KANK4: variants seen among roughly 807,000 people sequenced by gnomAD.
KANK4 encodes KN motif and ankyrin repeat domains 4, also known as KN motif and ankyrin repeat domain-containing protein 4.
A neutral mutation model predicts 80.8 loss-of-function variants in KANK4; 50 were observed. That is an observed-to-expected ratio of 0.62 (90% CI 0.49 to 0.78). KANK4 has a LOEUF of 0.78. Among genes scored for constraint, KANK4 ranks in the 30% least tolerant of loss-of-function variants. The probability of loss-of-function intolerance (pLI) is 0.00; values close to 1 mark genes in which losing one functional copy is unlikely to be tolerated. For missense variants in KANK4, 1,196 were observed against 1,240.1 expected (o/e 0.96, Z 0.53); for synonymous variants, 465 against 506.9 (o/e 0.92, Z 1.11).
chr1:62,240,901 T>G (rs944060633), intron 9 of KANK4, among the ~76,000 whole-genome samples: 2 of 152,058 alleles, frequency 1.3e-5, no homozygotes, highest in African/African-American at 4.8e-5. Context: ...CTCAATCCCA[T>G]GTACAGAATT....
At chr1:62,269,329 T>C (rs929713919) in intron 4 of KANK4, among the ~76,000 whole-genome samples, 2 of 152,198 alleles carry the variant, frequency 1.3e-5, no homozygotes, top group East Asian at 1.9e-4. Flanking sequence ...TCTTGGGCCA[T>C]TGGACACAGC....
chr1:62,297,697 G>C (rs921154117), intron 1 of KANK4, among the ~76,000 whole-genome samples: 17 of 152,144 alleles, frequency 1.1e-4, no homozygotes, highest in Admixed American at 3.9e-4. Context: ...CTCTAAATAA[G>C]ACCAATTTAC....
At chr1:62,263,839 G>C (rs1335428640) in intron 6 of KANK4, among the ~76,000 whole-genome samples, 1 of 152,186 alleles carries the variant, frequency 6.6e-6, no homozygotes, top group Non-Finnish European at 1.5e-5. Flanking sequence ...AGGTGTGCTT[G>C]ACATGTTTGG....
chr1:62,268,594 C>T, intron 4 of KANK4, 89 bp from the exon 5 acceptor site: 1 of 985,754 alleles, frequency 1.0e-6, no homozygotes, highest in Non-Finnish European at 1.6e-6. Flanking sequence ...CCTCGGGTAA[C>T]ACTCCGCAGC....
intron 1 of KANK4, among the ~76,000 whole-genome samples, chr1:62,313,832 G>A (rs556755464): frequency 1.3e-5 from 2 of 151,660 alleles, no homozygotes; most frequent in East Asian, 1.9e-4. Context: ...AAACCTGCAC[G>A]TTCTGCACAT....
chr1:62,278,752 A>G (rs1672382081), intron 2 of KANK4, among the ~76,000 whole-genome samples: 1 of 152,088 alleles, frequency 6.6e-6, no homozygotes, highest in East Asian at 1.9e-4. Context: ...CCCCTCGCAA[A>G]GAAACACACT....
intron 1 of KANK4, among the ~76,000 whole-genome samples, chr1:62,301,515 C>G (rs933459192): frequency 6.6e-6 from 1 of 151,994 alleles, no homozygotes; most frequent in Non-Finnish European, 1.5e-5. Context: ...ATTATGAAAA[C>G]AGCGTAGCCT....
At chr1:62,249,000 T>TA (rs374742301) in intron 8 of KANK4, among the ~76,000 whole-genome samples, 6,318 of 137,528 alleles carry the variant, frequency 0.046, 314 homozygotes, top group African/African-American at 0.13. Context: ...CTGTCTCTAC[T>TA]AAAAAAAAAA....
At chr1:62,260,466 C>A (rs1006355291) in intron 7 of KANK4, among the ~76,000 whole-genome samples, 15 of 152,014 alleles carry the variant, frequency 9.9e-5, no homozygotes, top group African/African-American at 3.1e-4. Flanking sequence ...TTGGATTCTT[C>A]TTCTCAGTCA....
At chr1:62,299,918 T>C (rs1435568366) in intron 1 of KANK4, among the ~76,000 whole-genome samples, 2 of 152,102 alleles carry the variant, frequency 1.3e-5, no homozygotes, top group Non-Finnish European at 2.9e-5. Context: ...TGCCTCCTTT[T>C]CTTCCCAGGT....
chr1:62,283,049 G>C (rs1458124948), intron 1 of KANK4, among the ~76,000 whole-genome samples: 1 of 152,198 alleles, frequency 6.6e-6, no homozygotes, highest in African/African-American at 2.4e-5. Flanking sequence ...GCTTGCCCTT[G>C]TTATAAAGAG....
chr1:62,317,202 G>A (rs1218081900), intron 1 of KANK4, among the ~76,000 whole-genome samples: 1 of 152,166 alleles, frequency 6.6e-6, no homozygotes, highest in Admixed American at 6.5e-5. Flanking sequence ...GCCACCCTAA[G>A]GAATTTTACA....
chr1:62,314,699 TAA>T (rs5774601), intron 1 of KANK4, among the ~76,000 whole-genome samples: 10,360 of 148,378 alleles, frequency 0.07, 1,170 homozygotes, highest in African/African-American at 0.24. Context: ...ACAGCCACAT[TAA>T]AAAAAAAAAA....
chr1:62,273,049 C>T (rs191421480), intron 3 of KANK4, among the ~76,000 whole-genome samples, 155 bp downstream of exon 3: 72 of 152,258 alleles, frequency 4.7e-4, no homozygotes, highest in African/African-American at 1.7e-3. Context: ...CCTCCGCCTC[C>T]CAAAGTGCTG....
Position 62,273,716 on chromosome 1 carries a change from T to C in KANK4, c.1388A>G (p.Gln463Arg), listed in dbSNP as rs770705014. 6.2e-7 allele frequency: 1 copy of C among 1,614,120 alleles called. No individual in the cohort carries two copies. The highest frequency in any genetic ancestry group is 2.2e-5 in the East Asian group (1 of 44,850). The change falls in exon 3 of 10, where the codon CAA (glutamine) becomes CGA (arginine). Residue 463 changes from glutamine to arginine, a missense_variant. Gln to Arg is a conservative substitution (Grantham distance 43). Around this residue, in one of 3 missense-constraint regions of KANK4, gnomAD observed 1,154 missense variants for 1,179.6 expected, o/e 0.98. Coordinates refer to ENST00000371153, the MANE Select transcript of KANK4 (RefSeq NM_181712.5). Reference sequence around the variant, plus strand: ...ACGTTCTGCTGGGCTCTGATTCCCTTGTTTATGACCATCTGGCCCCCATAG... The same window carrying C: ...ACGTTCTGCTGGGCTCTGATTCCCTCGTTTATGACCATCTGGCCCCCATAG... ...GLLWGPDGHK[Q>R]GNQSPAERVL...
intron 1 of KANK4, among the ~76,000 whole-genome samples, chr1:62,315,030 G>A (rs1031376533): frequency 3.9e-5 from 6 of 152,118 alleles, no homozygotes; most frequent in African/African-American, 7.2e-5. Context: ...GTTTTTAGCC[G>A]GAGGGCCCCT....
rs539127813 is a variant in KANK4 at position 62,307,977 on chromosome 1, C to T, written c.-71+11129G>A. 1.4e-3 allele frequency among the ~76,000 whole-genome samples: 210 copies of T among 152,238 alleles called. 1 individual carries two copies. Among genetic ancestry groups the T allele is most frequent in the South Asian group, 2.5e-3 (12 of 4,818 alleles). ...CAATTCCTCTGCCCTTCATAAATGC[C>T]ACTCACACCTCACCCCCTGCCTTAA... On this transcript the variant is annotated intron_variant, in intron 1 of 9. Coordinates refer to ENST00000371153, the MANE Select transcript of KANK4 (RefSeq NM_181712.5).
At chr1:62,244,198 T>A (rs948344751) in intron 9 of KANK4, among the ~76,000 whole-genome samples, 1 of 148,832 alleles carries the variant, frequency 6.7e-6, no homozygotes, top group African/African-American at 2.6e-5. Context: ...GTTTATTTTT[T>A]ATTTTTTTTT....
At chr1:62,259,103 G>A (rs1224061925) in intron 7 of KANK4, among the ~76,000 whole-genome samples, 1 of 152,076 alleles carries the variant, frequency 6.6e-6, no homozygotes, top group African/African-American at 2.4e-5. Context: ...AAGAGCAATA[G>A]GAGGCCACAG....
Sources: gnomAD v4.1 joint callset for allele counts (sites outside exome capture counted in the v4.1 genomes callset) on GRCh38, gnomAD v4.1.1 for gene constraint, gnomAD v4.1.1 regional missense constraint, MANE v1.5 for transcripts, NCBI Gene and HGNC (gene_info 2026-07-23, HGNC 2026-07-21) for gene names.